Variants in HDAC9 observed in about 807,000 individuals in gnomAD.
HDAC9 encodes the protein MEF-2 interacting transcription repressor (MITR) protein.
In HDAC9, 41 loss-of-function variants were observed where a neutral mutation model predicts 139.4. The ratio of observed to expected loss-of-function variants is 0.29; its 90% confidence interval spans 0.23 to 0.38. The LOEUF (loss-of-function observed/expected upper bound fraction) is 0.38, where lower values mean the gene tolerates loss of function less well. Among genes scored for constraint, HDAC9 ranks in the 10% least tolerant of loss-of-function variants. HDAC9 has a pLI of 1.00. For synonymous variants in HDAC9, 517 were observed against 476.2 expected (o/e 1.09, Z -1.12); for missense variants, 1,147 against 1,297.0 (o/e 0.88, Z 1.78).
Position 18,648,692 on chromosome 7 carries a change from C to T in HDAC9, c.1467+9C>T, listed in dbSNP as rs898325960. The T allele has an allele frequency of 6.2e-7, 1 of 1,603,628 alleles. No homozygotes were observed. Among genetic ancestry groups the T allele is most frequent in the Non-Finnish European group, 8.5e-7 (1 of 1,174,226 alleles). On this transcript the variant is annotated intron_variant, in intron 11 of 25. Transcript: ENST00000686413. ...AGATCCACATGAACAAAGTAAGCCT[C>T]CAAGCCAAGTCAAAATGTTCTAACC...
At chr7:18,222,714 T>C (rs1296273636) in intron 2 of HDAC9, among the ~76,000 whole-genome samples, 6 of 152,166 alleles carry the variant, frequency 3.9e-5, no homozygotes, top group Non-Finnish European at 2.9e-5. Context: ...ACATGTACTA[T>C]TCTTTATTTT....
intron 1 of HDAC9, among the ~76,000 whole-genome samples, chr7:18,405,382 T>C (rs1787913269): frequency 6.6e-6 from 1 of 152,230 alleles, no homozygotes; most frequent in African/African-American, 2.4e-5. Flanking sequence ...TAGATTGCTT[T>C]TCAGTGTCTC....
At chr7:18,202,885 C>G (rs1791241506) in intron 2 of HDAC9, among the ~76,000 whole-genome samples, 1 of 152,172 alleles carries the variant, frequency 6.6e-6, no homozygotes, top group Non-Finnish European at 1.5e-5. Context: ...TGAAACTCAG[C>G]TCTTCATTCC....
chr7:18,737,165 T>G (rs1029035772), intron 13 of HDAC9, among the ~76,000 whole-genome samples: 2 of 152,218 alleles, frequency 1.3e-5, no homozygotes, highest in African/African-American at 4.8e-5. Context: ...ATCAATTTTG[T>G]TGATCTTTTC....
In HDAC9 at chr7:18,362,836, G is replaced by T. The variant is rs188779789; in HGVS notation, c.-42+72321G>T. ...AGAATCTTGAATAGTAAAGAGTTCT[G>T]GTTTACGTCTTTAAAGGTCAGAAAT... On this transcript the variant is annotated intron_variant, in intron 1 of 3. Coordinates refer to the HDAC9 transcript ENST00000413509. Among the ~76,000 whole-genome samples the T allele has an allele frequency of 9.2e-5, 14 of 152,088 alleles. No individual in the cohort carries two copies. In the East Asian group the frequency reaches 2.5e-3, roughly 27 times the overall value.
chr7:18,423,257 A>G (rs960374428), intron 1 of HDAC9, among the ~76,000 whole-genome samples: 3 of 152,184 alleles, frequency 2.0e-5, no homozygotes, highest in African/African-American at 7.2e-5. Flanking sequence ...TCAACAAATA[A>G]TTTTTTATTT....
chr7:18,842,555 G>T (rs369880761), intron 21 of HDAC9, among the ~76,000 whole-genome samples: 1 of 151,778 alleles, frequency 6.6e-6, no homozygotes, highest in Non-Finnish European at 1.5e-5. Flanking sequence ...TCTATTTTCC[G>T]TATGTTGAGA....
intron 2 of HDAC9, among the ~76,000 whole-genome samples, chr7:18,203,742 C>A (rs1180424019): frequency 2.0e-5 from 3 of 152,198 alleles, no homozygotes; most frequent in Non-Finnish European, 4.4e-5. Context: ...TTTCTTTCCT[C>A]CCACACACCA....
Position 18,212,662 on chromosome 7 carries a change from A to G in HDAC9, c.25+50313A>G, listed in dbSNP as rs12539217. On this transcript the variant is annotated intron_variant, in intron 2 of 12. Transcript: ENST00000417496. ...GATGTATTTCCTTGATTATTTCATA[A>G]GACAGAGGAGGCATCTTTTCTGTGT... Among the ~76,000 whole-genome samples the G allele has an allele frequency of 4.4e-3, 667 of 152,322 alleles. 4 individuals are homozygous for G. The highest frequency in any genetic ancestry group is 4.6e-3 in the Non-Finnish European group (312 of 68,026).
intron 22 of HDAC9, among the ~76,000 whole-genome samples, chr7:18,879,138 C>G (rs1334128569): frequency 1.3e-5 from 2 of 152,076 alleles, no homozygotes; most frequent in African/African-American, 4.8e-5. Context: ...AATTACAAAA[C>G]TCTGCTCAAA....
intron 2 of HDAC9, among the ~76,000 whole-genome samples, chr7:18,502,189 A>T (rs1240178993): frequency 6.6e-6 from 1 of 152,218 alleles, no homozygotes; most frequent in Non-Finnish European, 1.5e-5. Context: ...TTCAAGCATC[A>T]TGTTATTTAT....
In HDAC9 at chr7:18,635,758, T is replaced by A. The variant is rs554592819; in HGVS notation, c.912+1016T>A. On this transcript the variant is annotated intron_variant, in intron 8 of 25. Coordinates refer to ENST00000686413, the MANE Select transcript of HDAC9 (RefSeq NM_178425.4). ...ATGGTACCTTGAGACAGAAAGGGAC[T>A]GGTCAAGTCTCTTATTCTTGGATCA... Among the ~76,000 whole-genome samples the A allele has an allele frequency of 5.3e-5, 8 of 152,212 alleles. 1 individual carries two copies. In the East Asian group the frequency reaches 1.2e-3, roughly 22 times the overall value.
chr7:18,809,382 C>G (rs57173432), intron 17 of HDAC9, among the ~76,000 whole-genome samples: 2 of 151,788 alleles, frequency 1.3e-5, no homozygotes, highest in Non-Finnish European at 2.9e-5. Context: ...AGAAAACAAT[C>G]GACAAAATTA....
intron 2 of HDAC9, among the ~76,000 whole-genome samples, chr7:18,268,217 CT>C: frequency 6.6e-6 from 1 of 152,182 alleles, no homozygotes; most frequent in Non-Finnish European, 1.5e-5. Context: ...ATCCACTGTG[CT>C]GTGTATTTTG....
chr7:18,790,505 C>T (rs1014967995), intron 16 of HDAC9, among the ~76,000 whole-genome samples: 2 of 152,160 alleles, frequency 1.3e-5, no homozygotes, highest in Non-Finnish European at 2.9e-5. Context: ...ACTTCAAAGC[C>T]TCCAGAATTG....
chr7:18,213,749 C>T (rs984270730), intron 2 of HDAC9, among the ~76,000 whole-genome samples: 8 of 152,104 alleles, frequency 5.3e-5, no homozygotes, highest in African/African-American at 1.9e-4. Context: ...CTGGTGGCAC[C>T]ACTTCTTGGA....
chr7:18,930,217 G>A (rs1410554106), intron 22 of HDAC9, among the ~76,000 whole-genome samples: 1 of 151,994 alleles, frequency 6.6e-6, no homozygotes, highest in Non-Finnish European at 1.5e-5. Context: ...AAGGTACCAT[G>A]GTATAGGAAC....
At chr7:18,683,640 G>T (rs893357899) in intron 12 of HDAC9, among the ~76,000 whole-genome samples, 2 of 152,056 alleles carry the variant, frequency 1.3e-5, no homozygotes, top group Non-Finnish European at 2.9e-5. Flanking sequence ...TATGATAATG[G>T]ACAAAATTTA....
chr7:18,838,794 A>G (rs957837808), intron 21 of HDAC9, among the ~76,000 whole-genome samples: 1 of 151,716 alleles, frequency 6.6e-6, no homozygotes, highest in Admixed American at 6.6e-5. Context: ...TTGTTTCTGG[A>G]CTCTTACAAG....
Sources: gnomAD v4.1 joint callset for allele counts (sites outside exome capture counted in the v4.1 genomes callset) on GRCh38, gnomAD v4.1.1 for gene constraint, MANE v1.5 for transcripts, NCBI Gene and HGNC (gene_info 2026-07-23, HGNC 2026-07-21) for gene names.